ZDHHC14: variants seen among roughly 807,000 people sequenced by gnomAD.
ZDHHC14 encodes the protein palmitoyltransferase ZDHHC14.
ZDHHC14 carries 16 observed loss-of-function variants against 47.7 expected under a neutral mutation model. That is an observed-to-expected ratio of 0.34 (90% CI 0.23 to 0.51). The LOEUF (loss-of-function observed/expected upper bound fraction) is 0.51. Ranked by LOEUF, ZDHHC14 falls within the 20% of genes least tolerant of loss-of-function variation. The pLI is 0.97. For synonymous variants in ZDHHC14, 293 were observed against 278.9 expected (o/e 1.05, Z -0.50); for missense variants, 515 against 662.5 (o/e 0.78, Z 2.44).
At chr6:157,468,046 G>A (rs991756708) in intron 1 of ZDHHC14, among the ~76,000 whole-genome samples, 2 of 152,140 alleles carry the variant, frequency 1.3e-5, no homozygotes, top group African/African-American at 4.8e-5. Flanking sequence ...AACAAGGATA[G>A]GTTGTCAACA....
intron 5 of ZDHHC14, among the ~76,000 whole-genome samples, chr6:157,641,329 A>G (rs1777238803): frequency 6.6e-6 from 1 of 152,220 alleles, no homozygotes; most frequent in African/African-American, 2.4e-5. Flanking sequence ...TCCTCTTAAG[A>G]CACTGGACAA....
chr6:157,487,318 T>C (rs981750618), intron 1 of ZDHHC14, among the ~76,000 whole-genome samples: 9 of 152,236 alleles, frequency 5.9e-5, no homozygotes, highest in Admixed American at 1.3e-4. Flanking sequence ...TCCATTCTGC[T>C]GGGTGACTCA....
At chr6:157,414,159 T>C (rs1777926395) in intron 1 of ZDHHC14, among the ~76,000 whole-genome samples, 1 of 152,178 alleles carries the variant, frequency 6.6e-6, no homozygotes, top group African/African-American at 2.4e-5. Flanking sequence ...CTCAAACTCC[T>C]GACCTCAGGT....
intron 4 of ZDHHC14, chr6:157,632,475 A>T (rs1785789407): frequency 4.6e-6 from 1 of 218,804 alleles, no homozygotes; most frequent in South Asian, 1.0e-4. Flanking sequence ...GTCAAAAGTT[A>T]ACAAATTTGG....
intron 3 of ZDHHC14, among the ~76,000 whole-genome samples, chr6:157,595,632 G>A (rs1025532619): frequency 6.6e-6 from 1 of 152,146 alleles, no homozygotes; most frequent in Non-Finnish European, 1.5e-5. Context: ...GCCCACAGGT[G>A]TATGTGTCCC....
chr6:157,630,385 A>C (rs1785627932), intron 4 of ZDHHC14: 1 of 152,086 alleles, frequency 6.6e-6, no homozygotes, highest in South Asian at 2.1e-4. Flanking sequence ...GTCAAGGGCC[A>C]GTTGCCACGT....
At position 157,582,062 on chromosome 6, in the gene ZDHHC14, A is replaced by C. The variant is rs1283646689; in HGVS notation, c.407-10926A>C. Among the ~76,000 whole-genome samples, 2 of 151,932 alleles carry C rather than the reference A, an allele frequency of 1.3e-5. No homozygotes were observed. The highest frequency in any genetic ancestry group is 2.9e-5 in the Non-Finnish European group (2 of 67,988). ...AGGCACACGCCACCATGCCTGGCTA[A>C]TTTTTTGTATTTTTAGTAGATTTGG... On this transcript the variant is annotated intron_variant, in intron 2 of 8. Coordinates refer to ENST00000359775, the MANE Select transcript of ZDHHC14 (RefSeq NM_024630.3). This position sits in a 1 kb window ranked among gnomAD's most constrained non-coding sequence, Gnocchi z 4.3.
intron 1 of ZDHHC14, among the ~76,000 whole-genome samples, chr6:157,537,296 GA>G (rs66471846): frequency 0.61 from 92,281 of 152,024 alleles, 29,380 homozygotes; most frequent in African/African-American, 0.82. Context: ...TATTTGAACT[GA>G]AAAAAATTCC....
At chr6:157,442,741 C>T (rs1778586185) in intron 1 of ZDHHC14, among the ~76,000 whole-genome samples, 1 of 152,248 alleles carries the variant, frequency 6.6e-6, no homozygotes, top group South Asian at 2.1e-4. Context: ...CAGACGCCTC[C>T]TGAAGAACAA....
chr6:157,585,938 G>A (rs1221098971), intron 2 of ZDHHC14, among the ~76,000 whole-genome samples: 1 of 152,240 alleles, frequency 6.6e-6, no homozygotes. Flanking sequence ...AGGGCCTGTG[G>A]CTGTGATTCC....
At chr6:157,466,365 C>T (rs1439109541) in intron 1 of ZDHHC14, among the ~76,000 whole-genome samples, 1 of 152,194 alleles carries the variant, frequency 6.6e-6, no homozygotes, top group Non-Finnish European at 1.5e-5. Context: ...GATCACAGCC[C>T]ATACCTGCGT....
At chr6:157,610,548 C>A (rs754817037) in intron 3 of ZDHHC14, among the ~76,000 whole-genome samples, 1 of 152,206 alleles carries the variant, frequency 6.6e-6, no homozygotes, top group Non-Finnish European at 1.5e-5. Flanking sequence ...AGGTTCCTGT[C>A]GGTCACTCCT....
At chr6:157,648,618 CT>C in intron 7 of ZDHHC14, among the ~76,000 whole-genome samples, 1 of 152,336 alleles carries the variant, frequency 6.6e-6, no homozygotes, top group Middle Eastern at 3.4e-3. Context: ...CAAGGCACCC[CT>C]GACCTCCTCA....
At chr6:157,509,094 A>C (rs1470849112) in intron 1 of ZDHHC14, among the ~76,000 whole-genome samples, 3 of 152,010 alleles carry the variant, frequency 2.0e-5, no homozygotes, top group African/African-American at 7.2e-5. Context: ...AGCAGTGGGG[A>C]GAGTCTTCCC....
At chr6:157,556,639 G>A (rs35486260) in intron 2 of ZDHHC14, among the ~76,000 whole-genome samples, 35,022 of 151,766 alleles carry the variant, frequency 0.23, 4,484 homozygotes, top group Middle Eastern at 0.34. Flanking sequence ...TGACAGCACA[G>A]TCAGGAGCAC....
chr6:157,428,078 C>T lies in ZDHHC14; in HGVS notation c.245+45812C>T, dbSNP rs144552384. Among the ~76,000 whole-genome samples the T allele has an allele frequency of 7.3e-3, 1,111 of 152,274 alleles. 12 individuals are homozygous for T. The highest frequency in any genetic ancestry group is 7.7e-3 in the Non-Finnish European group (526 of 68,036). On this transcript the variant is annotated intron_variant, in intron 1 of 8. Coordinates refer to ENST00000359775, the MANE Select transcript of ZDHHC14 (RefSeq NM_024630.3). The stretch of plus-strand genomic sequence containing the variant: ...TGCTGTCGATATGTGCTATCTTCAG[C>T]ACCTTATTCAACCTCAATATTTTCT...
chr6:157,442,396 A>G (rs554405455), intron 1 of ZDHHC14, among the ~76,000 whole-genome samples: 2 of 152,314 alleles, frequency 1.3e-5, no homozygotes, highest in African/African-American at 4.8e-5. Flanking sequence ...AACCCAAACC[A>G]AAACAAAACA....
At chr6:157,418,262 T>C (rs979243036) in intron 1 of ZDHHC14, among the ~76,000 whole-genome samples, 4 of 152,190 alleles carry the variant, frequency 2.6e-5, no homozygotes, top group African/African-American at 7.2e-5. Context: ...TTTTTACACT[T>C]GGTAAAACGA....
intron 1 of ZDHHC14, among the ~76,000 whole-genome samples, chr6:157,483,177 T>G (rs768988792): frequency 4.6e-5 from 7 of 152,258 alleles, no homozygotes; most frequent in African/African-American, 7.2e-5. Context: ...GATGTGATTC[T>G]CTTGCAGGGT....
Sources: allele counts gnomAD v4.1 joint callset (sites outside exome capture counted in the v4.1 genomes callset), GRCh38; gene constraint gnomAD v4.1.1; non-coding constraint Gnocchi (gnomAD v3.1); transcripts MANE v1.5; gene names NCBI Gene and HGNC (gene_info 2026-07-23, HGNC 2026-07-21).